ARHGAP44: variants seen among roughly 807,000 people sequenced by gnomAD.
ARHGAP44 encodes rho GTPase-activating protein 44.
A neutral mutation model predicts 106.8 loss-of-function variants in ARHGAP44; 43 were observed. The ratio of observed to expected loss-of-function variants is 0.40; its 90% confidence interval spans 0.32 to 0.52. The LOEUF is 0.52. ARHGAP44 is among the 20% of genes least tolerant of loss of function. ARHGAP44 has a pLI of 0.48. For synonymous variants in ARHGAP44, 439 were observed against 410.3 expected (o/e 1.07, Z -0.85); for missense variants, 866 against 1,050.5 (o/e 0.82, Z 2.43).
Position 12,958,425 on chromosome 17 carries a change from G to A in ARHGAP44, c.1343-292G>A, listed in dbSNP as rs934915861. Among the ~76,000 whole-genome samples the A allele has an allele frequency of 6.6e-6, 1 of 151,984 alleles. No individual in the cohort carries two copies. The highest frequency in any genetic ancestry group is 2.4e-5 in the African/African-American group (1 of 41,376). On this transcript the variant is annotated intron_variant, in intron 15 of 20. Transcript: ENST00000379672. The surrounding 1 kb of genome is among the most constrained non-coding windows in gnomAD (Gnocchi z 4.1). ...TGTCGGCTTTCAGTCTTAAGCATGA[G>A]GTTTTAGAAAGATGATTTCATATAT...
chr17:12,886,834 G>A (rs1248804841), intron 1 of ARHGAP44, among the ~76,000 whole-genome samples: 1 of 152,030 alleles, frequency 6.6e-6, no homozygotes, highest in African/African-American at 2.4e-5. Context: ...TGAATGAGTG[G>A]TAGGAGCAAA....
At chr17:12,841,594 T>TCTCTCTCTCA (rs1417307080) in intron 1 of ARHGAP44, among the ~76,000 whole-genome samples, 21 of 126,584 alleles carry the variant, frequency 1.7e-4, no homozygotes, top group African/African-American at 5.9e-4. Context: ...TGTCTCTCTC[T>TCTCTCTCTCA]CACACACACA....
intron 3 of ARHGAP44, among the ~76,000 whole-genome samples, chr17:12,907,381 T>G (rs1373004839): frequency 1.3e-5 from 2 of 152,146 alleles, no homozygotes; most frequent in East Asian, 3.9e-4. Context: ...GTACAGTGGT[T>G]TTAACAGTTA....
intron 1 of ARHGAP44, among the ~76,000 whole-genome samples, chr17:12,801,806 G>T (rs2034101072): frequency 6.6e-6 from 1 of 151,726 alleles, no homozygotes; most frequent in Non-Finnish European, 1.5e-5. Flanking sequence ...CTCTGGGCAG[G>T]ATTATGAGTG....
intron 7 of ARHGAP44, among the ~76,000 whole-genome samples, chr17:12,938,842 A>C (rs370177543): frequency 3.9e-5 from 6 of 152,328 alleles, no homozygotes; most frequent in African/African-American, 1.4e-4. Flanking sequence ...TTAGCTTAAC[A>C]ACACAGTAAT....
In ARHGAP44 at chr17:12,943,664, A is replaced by G. The variant is rs2038764210; in HGVS notation, c.728A>G (p.Gln243Arg). ...LQAVLPQIKA[Q>R]QEAWVEKPSF... ...GCTGTATTGCCTCAGATCAAAGCAC[A>G]ACAGGGTAAGTGCAGGCCTTCCCTG... The change falls in exon 9 of 21, where the codon CAA becomes CGA. Residue 243 changes from glutamine (Q) to arginine (R), a missense_variant. Gln to Arg is a conservative substitution (Grantham distance 43). Around this residue, in one of 2 missense-constraint regions of ARHGAP44, gnomAD observed 448 missense variants for 646.9 expected, o/e 0.69. Coordinates refer to ENST00000379672, the MANE Select transcript of ARHGAP44 (RefSeq NM_014859.6). 3 of 1,613,762 alleles carry G rather than the reference A, an allele frequency of 1.9e-6. No individual in the cohort carries two copies. The highest frequency in any genetic ancestry group is 2.5e-6 in the Non-Finnish European group (3 of 1,179,846).
At chr17:12,796,672 C>A (rs1363388347) in intron 1 of ARHGAP44, among the ~76,000 whole-genome samples, 1 of 151,870 alleles carries the variant, frequency 6.6e-6, no homozygotes, top group East Asian at 1.9e-4. Context: ...TCTCGGCTTA[C>A]TGCAAGCTCT....
chr17:12,974,456 G>T, intron 18 of ARHGAP44, 146 bp downstream of exon 18: 1 of 687,950 alleles, frequency 1.5e-6, no homozygotes, highest in Non-Finnish European at 2.2e-6. Context: ...TCTGCGTCGC[G>T]CTGGCACCAA....
Position 12,916,286 on chromosome 17 carries a change from C to T in ARHGAP44, c.387+275C>T, listed in dbSNP as rs996195683. Among the ~76,000 whole-genome samples, 29 of 152,152 alleles carry T rather than the reference C, an allele frequency of 1.9e-4. 3 individuals are homozygous for T. The highest frequency in any genetic ancestry group is 1.5e-3 in the Admixed American group (23 of 15,280). On this transcript the variant is annotated intron_variant, in intron 5 of 20. Transcript: ENST00000379672. ...TTACCCGCTTCCCCACCCACAGCCT[C>T]GACTGCCTTCATCCCCACCTTCCAC...
intron 3 of ARHGAP44, 129 bp downstream of exon 3, chr17:12,896,640 C>G (rs2037215321): frequency 2.6e-6 from 2 of 764,334 alleles, no homozygotes; most frequent in Non-Finnish European, 4.2e-6. Flanking sequence ...CTCAGCAGCT[C>G]TAGCTGCCTA....
chr17:12,852,909 G>A (rs1388796913), intron 1 of ARHGAP44, among the ~76,000 whole-genome samples: 2 of 152,198 alleles, frequency 1.3e-5, no homozygotes, highest in African/African-American at 4.8e-5. Flanking sequence ...GCATGGTCAG[G>A]TGGATTTTTT....
intron 1 of ARHGAP44, among the ~76,000 whole-genome samples, chr17:12,846,529 C>T (rs1170847668): frequency 6.6e-6 from 1 of 152,204 alleles, no homozygotes; most frequent in Non-Finnish European, 1.5e-5. Context: ...TATTTCATTA[C>T]ACTGATACAT....
intron 3 of ARHGAP44, among the ~76,000 whole-genome samples, chr17:12,897,642 T>C (rs1423145146): frequency 6.6e-6 from 1 of 151,166 alleles, no homozygotes; most frequent in Non-Finnish European, 1.5e-5. Flanking sequence ...CAAACCCACA[T>C]CTAATGGGGG....
rs900348546 is a variant in ARHGAP44, at chr17:12,958,948, G to C, written c.1523+51G>C. 1 of 1,556,242 alleles carries C rather than the reference G, an allele frequency of 6.4e-7. No individual in the cohort carries two copies. Among genetic ancestry groups the C allele is most frequent in the East Asian group, 2.3e-5 (1 of 42,584 alleles). On this transcript the variant is annotated intron_variant, in intron 16 of 20. Transcript: ENST00000379672. The surrounding 1 kb of genome is among the most constrained non-coding windows in gnomAD (Gnocchi z 4.1). ...CACTGGGGATTAGGGGAGGTGGTGG[G>C]GGTGGATGGGTGACGCATAAGAAAA... is the stretch of plus-strand genomic sequence containing the variant.
At chr17:12,889,993 G>A (rs879630037) in intron 1 of ARHGAP44, among the ~76,000 whole-genome samples, 7 of 152,196 alleles carry the variant, frequency 4.6e-5, no homozygotes, top group Admixed American at 3.9e-4. Flanking sequence ...TGGGGTGGAG[G>A]TTTTGACCTC....
At chr17:12,803,401 C>G (rs1339906067) in intron 1 of ARHGAP44, among the ~76,000 whole-genome samples, 4 of 152,152 alleles carry the variant, frequency 2.6e-5, no homozygotes, top group Non-Finnish European at 5.9e-5. Flanking sequence ...GCCACCATGC[C>G]TAGCCCCAGA....
rs528141745 is a variant in ARHGAP44, at chr17:12,834,637, A to T, written c.53+44746A>T. ...GATAAAACATAGTTCCGTTACTAAA[A>T]TGTACTCTTGGATAAAACAACATAA... On this transcript the variant is annotated intron_variant, in intron 1 of 20. Transcript: ENST00000379672. 2.4e-3 allele frequency among the ~76,000 whole-genome samples: 358 copies of T among 152,330 alleles called. 2 individuals carry two copies. Among genetic ancestry groups the T allele is most frequent in the African/African-American group, 8.0e-3 (333 of 41,568 alleles).
chr17:12,953,573 G>T (rs762218590), intron 13 of ARHGAP44, among the ~76,000 whole-genome samples: 6 of 152,186 alleles, frequency 3.9e-5, no homozygotes, highest in Non-Finnish European at 5.9e-5. Flanking sequence ...TTTCACACTC[G>T]TATTCGTAGC....
At chr17:12,948,473 C>T (rs2038909550) in intron 10 of ARHGAP44, among the ~76,000 whole-genome samples, 1 of 152,072 alleles carries the variant, frequency 6.6e-6, no homozygotes, top group African/African-American at 2.4e-5. Flanking sequence ...AGTTCAAGAC[C>T]AGCCTGGCCA....
Sources: allele counts gnomAD v4.1 joint callset (sites outside exome capture counted in the v4.1 genomes callset), GRCh38; gene constraint gnomAD v4.1.1; regional missense constraint gnomAD v4.1.1; non-coding constraint Gnocchi (gnomAD v3.1); transcripts MANE v1.5; gene names NCBI Gene and HGNC (gene_info 2026-07-23, HGNC 2026-07-21).